The following LDLRAD1 variants were observed in gnomAD, a reference collection of about 807,000 sequenced individuals.
LDLRAD1 encodes the protein low density lipoprotein receptor class A domain containing 1, also known as low-density lipoprotein receptor class A domain-containing protein 1.
LDLRAD1 carries 17 observed loss-of-function variants against 24.8 expected under a neutral mutation model. That is an observed-to-expected ratio of 0.69 (90% CI 0.47 to 1.03). LDLRAD1 has a LOEUF of 1.03. Among genes scored for constraint, LDLRAD1 ranks in the 50% least tolerant of loss-of-function variants. LDLRAD1 has a pLI of 0.00. For missense variants in LDLRAD1, 277 were observed against 271.0 expected (o/e 1.02, Z -0.16); for synonymous variants, 103 against 108.2 (o/e 0.95, Z 0.30).
chr1:54,013,018 C>T (rs1656126869), intron 3 of LDLRAD1, among the ~76,000 whole-genome samples: 1 of 152,108 alleles, frequency 6.6e-6, no homozygotes, highest in Non-Finnish European at 1.5e-5. Context: ...CGTGAACCAC[C>T]TCTCAGTCCC....
intron 2 of LDLRAD1, among the ~76,000 whole-genome samples, chr1:54,015,959 C>T (rs543774815): frequency 1.3e-5 from 2 of 152,154 alleles, no homozygotes; most frequent in South Asian, 2.1e-4. Context: ...CGGCCTGGGG[C>T]TTTGTGAACA....
chr1:54,014,787 A>G (rs1039149686), intron 2 of LDLRAD1, among the ~76,000 whole-genome samples: 3 of 152,254 alleles, frequency 2.0e-5, no homozygotes, highest in African/African-American at 7.2e-5. Flanking sequence ...GCTCAGGAAG[A>G]AAAGATTCAT....
rs1288793537 is a variant in LDLRAD1 at position 54,009,048 on chromosome 1, A to G, written c.552T>C (p.His184=). The change falls in exon 6 of 6, where the codon CAT becomes CAC. Residue 184 remains histidine (H), a synonymous_variant. Transcript: ENST00000371360. ...FFKYCDCIPR[H]LCRDHVQHCS... Reference sequence around the variant, plus strand: ...AGTGCTGTACATGGTCGCGGCAGAGATGCCTCGGTATACAGTCGCAGTACT... The same window carrying G: ...AGTGCTGTACATGGTCGCGGCAGAGGTGCCTCGGTATACAGTCGCAGTACT... The G allele has an allele frequency of 1.9e-6, 3 of 1,613,908 alleles. No individual in the cohort carries two copies. Among genetic ancestry groups the G allele is most frequent in the Non-Finnish European group, 2.5e-6 (3 of 1,179,996 alleles).
chr1:54,010,509 T>A, intron 4 of LDLRAD1, 99 bp from the exon 5 acceptor site: 1 of 1,234,328 alleles, frequency 8.1e-7, no homozygotes, highest in East Asian at 2.5e-5. Context: ...GTGGCCAAAC[T>A]CAGGATCAGT....
chr1:54,008,837 A>T lies in LDLRAD1; in HGVS notation c.*145T>A. 8.2e-6 allele frequency: 6 copies of T among 729,292 alleles called. No individual in the cohort carries two copies. Among genetic ancestry groups the T allele is most frequent in the East Asian group, 2.7e-5 (1 of 37,066 alleles). The allele number at this position is 729,292 out of a possible 1,614,324, so 45.2% of individuals were successfully genotyped here. On this transcript the variant is annotated 3_prime_UTR_variant, in exon 6 of 6. Transcript: ENST00000371360. ...AGCAGAGGCTGAACAACTTGAAAGGAGGAGAGAAAATTCCTATTCAGAAAT... is the reference window on the plus strand; with the variant it reads ...AGCAGAGGCTGAACAACTTGAAAGGTGGAGAGAAAATTCCTATTCAGAAAT...
At chr1:54,010,241 C>G (rs1429425904) in intron 5 of LDLRAD1, 41 bp downstream of exon 5, 2 of 1,610,264 alleles carry the variant, frequency 1.2e-6, no homozygotes, top group Admixed American at 3.3e-5. Flanking sequence ...TGGCTGCTGC[C>G]TGGACACCAG....
intron 4 of LDLRAD1, among the ~76,000 whole-genome samples, chr1:54,010,665 C>T (rs542956007): frequency 6.6e-6 from 1 of 152,120 alleles, no homozygotes; most frequent in Non-Finnish European, 1.5e-5. Context: ...TGTGTTCCTG[C>T]CCCACACCAC....
At position 54,018,081 on chromosome 1, in the gene LDLRAD1, A is replaced by T. The variant is rs773195544; in HGVS notation, c.21+11T>A. The T allele has an allele frequency of 1.3e-5, 21 of 1,611,392 alleles. No homozygotes were observed. The South Asian group carries it at 2.3e-4, about 18-fold the overall frequency. On this transcript the variant is annotated intron_variant, in intron 1 of 5. Coordinates refer to ENST00000371360, the MANE Select transcript of LDLRAD1 (RefSeq NM_001010978.4). Reference sequence around the variant, plus strand: ...ACTTGGAGACAACTCTCACCTGGGGACAGCTCTCACCTGGGGGAAGACCTT... The same window carrying T: ...ACTTGGAGACAACTCTCACCTGGGGTCAGCTCTCACCTGGGGGAAGACCTT...
Position 54,014,250 on chromosome 1 carries a change from G to T in LDLRAD1, c.188C>A (p.Pro63Gln). ...LIALVTILGL[P>Q]SCTPGAQACI... ...GCCGCCCTGACCTGGGGTGCATGATGGGAGTCCAAGAATGGTGACCAAGGC... is the reference window on the plus strand; with the variant it reads ...GCCGCCCTGACCTGGGGTGCATGATTGGAGTCCAAGAATGGTGACCAAGGC... Residue 63 changes from proline to glutamine, a missense_variant, in exon 3 of 6, where the codon CCA becomes CAA. Physicochemically the swap from Pro to Gln is moderately conservative, Grantham distance 76. Coordinates refer to ENST00000371360, the MANE Select transcript of LDLRAD1 (RefSeq NM_001010978.4). 1.3e-6 allele frequency: 2 copies of T among 1,562,780 alleles called. No individual in the cohort carries two copies. Among genetic ancestry groups the T allele is most frequent in the East Asian group, 4.7e-5 (2 of 42,252 alleles).
rs1655878148 is a variant in LDLRAD1, at chr1:54,007,779, C to G, written c.*1203G>C. On this transcript the variant is annotated 3_prime_UTR_variant, in exon 6 of 6. Coordinates refer to ENST00000371360, the MANE Select transcript of LDLRAD1 (RefSeq NM_001010978.4). ...TTTTAAAATACCCCGCAGAGACTGC[C>G]CTGGCCAAGGTATAATCACACTGGT... 6.6e-6 allele frequency: 1 copy of G among 152,272 alleles called. No individual in the cohort carries two copies. Among genetic ancestry groups the G allele is most frequent in the South Asian group, 2.1e-4 (1 of 4,830 alleles). The allele number at this position is 152,272 out of a possible 1,614,324, so 9.4% of individuals were successfully genotyped here.
intron 3 of LDLRAD1, 142 bp downstream of exon 3, chr1:54,014,094 T>G: frequency 1.2e-6 from 1 of 861,026 alleles, no homozygotes; most frequent in Non-Finnish European, 1.8e-6. Context: ...CAGGTGTCTG[T>G]GTGTGTCTGT....
At position 54,009,130 on chromosome 1, in the gene LDLRAD1, A is replaced by G. The variant is rs755583940; in HGVS notation, c.470T>C (p.Val157Ala). ...AGGGCCGCAGGGTGGGCACACAGTT[A>G]CTGCAGAGACAAGAGCCAGCAGGAG... ...CGDCSDELSP[V>A]TVCPPCGPGW... Residue 157 changes from valine (V) to alanine (A), a missense_variant and splice_region_variant, in exon 6 of 6, where the codon GTA (valine) becomes GCA (alanine). Val to Ala is a moderately conservative substitution (Grantham distance 64). Coordinates refer to ENST00000371360, the MANE Select transcript of LDLRAD1 (RefSeq NM_001010978.4). 1.2e-6 allele frequency: 2 copies of G among 1,613,648 alleles called. No individual in the cohort carries two copies. Among genetic ancestry groups the G allele is most frequent in the South Asian group, 2.2e-5 (2 of 91,068 alleles).
chr1:54,012,335 A>G, intron 3 of LDLRAD1, 55 bp from the exon 4 acceptor site: 2 of 1,588,688 alleles, frequency 1.3e-6, no homozygotes, highest in Non-Finnish European at 1.7e-6. Flanking sequence ...ACAAGGACAA[A>G]CCTTCCTCAC....
intron 1 of LDLRAD1, 62 bp downstream of exon 1, chr1:54,018,030 A>G (rs1410814831): frequency 5.6e-6 from 8 of 1,429,636 alleles, no homozygotes; most frequent in African/African-American, 1.4e-5. Context: ...TCACCTGGGG[A>G]CAGCTCTCAC....
At position 54,009,088 on chromosome 1, in the gene LDLRAD1, G is replaced by GGAC; in HGVS notation, c.509_511dup (p.Cys170_Pro171insArg). 6.2e-7 allele frequency: 1 copy of GGAC among 1,613,962 alleles called. No homozygotes were observed. The highest frequency in any genetic ancestry group is 8.5e-7 in the Non-Finnish European group (1 of 1,179,980). On this transcript the variant is annotated inframe_insertion, in exon 6 of 6. Transcript: ENST00000371360. Reference sequence around the variant, plus strand: ...GTCGCAGTACTTGAAGAAGGTTGAAGGACAGCGCCACCACCCAGGGCCGCA... The same window carrying GGAC: ...GTCGCAGTACTTGAAGAAGGTTGAAGGACGACAGCGCCACCACCCAGGGCCGCA...
intron 2 of LDLRAD1, 107 bp downstream of exon 2, chr1:54,017,269 G>T: frequency 1.2e-6 from 1 of 864,412 alleles, no homozygotes; most frequent in Non-Finnish European, 1.9e-6. Context: ...GGAGGCAGAG[G>T]TCTGAGGGAC....
Position 54,010,283 on chromosome 1 carries a change from T to C in LDLRAD1, c.468A>G (p.Pro156=). 2.5e-6 allele frequency: 4 copies of C among 1,613,962 alleles called. No individual in the cohort carries two copies. The highest frequency in any genetic ancestry group is 3.4e-6 in the Non-Finnish European group (4 of 1,179,958). Residue 156 remains proline (P), a splice_region_variant and synonymous_variant, in exon 5 of 6, where the codon CCA becomes CCG. Coordinates refer to ENST00000371360, the MANE Select transcript of LDLRAD1 (RefSeq NM_001010978.4). ...CCCAGCCTGTGCCCAGACCCCTACC[T>C]GGGCTCAGTTCATCTGAACAGTCCC... ...NCGDCSDELS[P]VTVCPPCGPG... is the part of the protein sequence containing the mutation.
intron 3 of LDLRAD1, among the ~76,000 whole-genome samples, chr1:54,013,203 G>A (rs1018293253): frequency 6.6e-5 from 10 of 152,054 alleles, no homozygotes; most frequent in South Asian, 2.1e-4. Flanking sequence ...GTGCACACAC[G>A]CACTGACACA....
At chr1:54,013,209 A>G (rs545835268) in intron 3 of LDLRAD1, among the ~76,000 whole-genome samples, 1 of 152,234 alleles carries the variant, frequency 6.6e-6, no homozygotes, top group East Asian at 1.9e-4. Context: ...ACACGCACTG[A>G]CACACAGACA....
Sources: gnomAD v4.1 joint callset for allele counts (sites outside exome capture counted in the v4.1 genomes callset) on GRCh38, gnomAD v4.1.1 for gene constraint, MANE v1.5 for transcripts, NCBI Gene and HGNC (gene_info 2026-07-23, HGNC 2026-07-21) for gene names.